SHISA9: variants seen among roughly 807,000 people sequenced by gnomAD.
SHISA9 encodes the protein protein shisa-9.
Under a neutral mutation model 38.0 loss-of-function variants are expected in SHISA9, and 13 were observed. That is an observed-to-expected ratio of 0.34 (90% CI 0.22 to 0.54). The LOEUF (loss-of-function observed/expected upper bound fraction) is 0.54. Among genes scored for constraint, SHISA9 ranks in the 20% least tolerant of loss-of-function variants. The pLI, the probability that SHISA9 is intolerant of heterozygous loss-of-function variation, is 0.91. For missense variants in SHISA9, 538 were observed against 575.8 expected (o/e 0.93, Z 0.67); for synonymous variants, 275 against 242.0 (o/e 1.14, Z -1.27).
At chr16:13,513,823 C>T in the SHISA9 span, among the ~76,000 whole-genome samples, 1 of 151,994 alleles carries the variant, frequency 6.6e-6, no homozygotes, top group Admixed American at 6.6e-5. Flanking sequence ...ACAACACACA[C>T]CAGGGCCTGT....
At chr16:13,176,531 A>G (rs902019828) in intron 2 of SHISA9, among the ~76,000 whole-genome samples, 1 of 152,190 alleles carries the variant, frequency 6.6e-6, no homozygotes, top group African/African-American at 2.4e-5. Context: ...TTCAGGGCCA[A>G]GTGCCACTCA....
intron 2 of SHISA9, among the ~76,000 whole-genome samples, chr16:12,961,033 A>T (rs1415717095): frequency 6.7e-6 from 1 of 150,368 alleles, no homozygotes; most frequent in Non-Finnish European, 1.5e-5. Flanking sequence ...TGTGGGGGGG[A>T]TGATGAAAGG....
At chr16:12,943,015 G>T (rs1010808995) in intron 2 of SHISA9, among the ~76,000 whole-genome samples, 1 of 152,052 alleles carries the variant, frequency 6.6e-6, no homozygotes, top group African/African-American at 2.4e-5. Context: ...GTCACCAGCA[G>T]CTGCAAACCA....
intron 2 of SHISA9, among the ~76,000 whole-genome samples, chr16:12,970,832 T>A (rs896785664): frequency 1.3e-5 from 2 of 151,940 alleles, no homozygotes; most frequent in African/African-American, 2.4e-5. Context: ...CCGGGGCATA[T>A]GTTTTAAAGT....
chr16:13,327,419 C>T, the SHISA9 span, among the ~76,000 whole-genome samples: 1 of 152,060 alleles, frequency 6.6e-6, no homozygotes, highest in Non-Finnish European at 1.5e-5. Context: ...AGTTCGAGAC[C>T]AGCCTGACCA....
intron 2 of SHISA9, among the ~76,000 whole-genome samples, chr16:13,095,231 A>G (rs1374509340): frequency 1.3e-5 from 2 of 152,206 alleles, no homozygotes; most frequent in Non-Finnish European, 2.9e-5. Flanking sequence ...AATGCTTTTC[A>G]TTCCTGTCTC....
the SHISA9 span, among the ~76,000 whole-genome samples, chr16:13,503,065 G>A: frequency 6.6e-6 from 1 of 152,150 alleles, no homozygotes; most frequent in African/African-American, 2.4e-5. Context: ...TTCTCAAAGG[G>A]AAGGATATTT....
intron 2 of SHISA9, among the ~76,000 whole-genome samples, chr16:13,192,020 A>T (rs1454701175): frequency 6.6e-6 from 1 of 152,230 alleles, no homozygotes. Context: ...TGGTATATAC[A>T]CACTATGGAA....
At chr16:13,468,952 C>T in the SHISA9 span, among the ~76,000 whole-genome samples, 1 of 150,296 alleles carries the variant, frequency 6.7e-6, no homozygotes, top group Non-Finnish European at 1.5e-5. Context: ...ACAACAACAA[C>T]AAAAAAGAGG....
At chr16:13,040,070 G>T (rs1030407754) in intron 2 of SHISA9, among the ~76,000 whole-genome samples, 1 of 152,126 alleles carries the variant, frequency 6.6e-6, no homozygotes, top group Non-Finnish European at 1.5e-5. Context: ...CCTCCTCCCA[G>T]ATTTCCCTGA....
the SHISA9 span, among the ~76,000 whole-genome samples, chr16:13,479,013 T>TA: frequency 6.6e-6 from 1 of 152,220 alleles, no homozygotes; most frequent in African/African-American, 2.4e-5. Context: ...CTGTGTCTGT[T>TA]TAGAAGTTCT....
chr16:13,182,134 G>C (rs117117654), intron 2 of SHISA9, among the ~76,000 whole-genome samples: 2,695 of 152,280 alleles, frequency 0.018, 41 homozygotes, highest in Non-Finnish European at 0.027. Context: ...TCTAACAATA[G>C]GTTTCACCTA....
chr16:12,930,628 T>C (rs932969182), intron 2 of SHISA9, among the ~76,000 whole-genome samples: 2 of 152,188 alleles, frequency 1.3e-5, no homozygotes, highest in African/African-American at 4.8e-5. Context: ...GTGTGTTTAA[T>C]ATTTATGACA....
the SHISA9 span, among the ~76,000 whole-genome samples, chr16:13,413,522 G>T: frequency 6.6e-6 from 1 of 152,048 alleles, no homozygotes; most frequent in African/African-American, 2.4e-5. Flanking sequence ...TTGGGAGGCC[G>T]AGGTGGGCAG....
chr16:13,398,331 G>A, the SHISA9 span, among the ~76,000 whole-genome samples: 1 of 152,244 alleles, frequency 6.6e-6, no homozygotes, highest in South Asian at 2.1e-4. Context: ...TCAGTAAGCT[G>A]TTAGTTTTTA....
the SHISA9 span, among the ~76,000 whole-genome samples, chr16:13,303,643 A>T: frequency 1.3e-5 from 2 of 152,242 alleles, no homozygotes; most frequent in Non-Finnish European, 2.9e-5. Flanking sequence ...CCCTTTTAGG[A>T]TGATGAAAAC....
the SHISA9 span, among the ~76,000 whole-genome samples, chr16:13,520,991 A>G: frequency 6.6e-6 from 1 of 152,210 alleles, no homozygotes; most frequent in Non-Finnish European, 1.5e-5. Flanking sequence ...TGTCGTGAGA[A>G]CACTCAGAAT....
At chr16:13,438,550 T>C in the SHISA9 span, among the ~76,000 whole-genome samples, 2 of 152,204 alleles carry the variant, frequency 1.3e-5, no homozygotes, top group Non-Finnish European at 2.9e-5. Flanking sequence ...GCTGACACTT[T>C]GGAGAGAAAA....
At chr16:13,535,641 A>G in the SHISA9 span, among the ~76,000 whole-genome samples, 2 of 152,216 alleles carry the variant, frequency 1.3e-5, no homozygotes, top group African/African-American at 4.8e-5. Flanking sequence ...CTCCTTGCAA[A>G]AAAAGTTTGC....
Sources: allele counts gnomAD v4.1 joint callset (sites outside exome capture counted in the v4.1 genomes callset), GRCh38; gene constraint gnomAD v4.1.1; transcripts MANE v1.5; gene names NCBI Gene and HGNC (gene_info 2026-07-23, HGNC 2026-07-21).